The following DSC1 variants were observed in gnomAD, a reference collection of about 807,000 sequenced individuals.
DSC1 encodes the protein desmocollin-1.
DSC1 carries 79 observed loss-of-function variants against 98.8 expected under a neutral mutation model. The ratio of observed to expected loss-of-function variants is 0.80; its 90% CI spans 0.67 to 0.96. The LOEUF (loss-of-function observed/expected upper bound fraction) is 0.96, where lower values mean the gene tolerates loss of function less well. DSC1 is among the 50% of genes least tolerant of loss of function. The pLI is 0.00. For synonymous variants in DSC1, 405 were observed against 372.1 expected (o/e 1.09, Z -1.02); for missense variants, 1,115 against 1,075.9 (o/e 1.04, Z -0.51).
At chr18:31,132,365 T>C in intron 14 of DSC1, 2 of 559,710 alleles carry the variant, frequency 3.6e-6, no homozygotes, top group Non-Finnish European at 6.0e-6. Context: ...GTCTGTTGTT[T>C]AAGTCACTCA....
At chr18:31,136,585 G>A (rs900395866) in intron 11 of DSC1, among the ~76,000 whole-genome samples, 8 of 152,166 alleles carry the variant, frequency 5.3e-5, no homozygotes, top group Admixed American at 5.2e-4. Flanking sequence ...CTTAGAACAG[G>A]GGTGTCCAAT....
rs1484927146 is a variant in DSC1, at chr18:31,130,315, C to G, written c.*199G>C. On this transcript the variant is annotated 3_prime_UTR_variant, in exon 16 of 16. Transcript: ENST00000257198. ...ATGCATATAAAAGAGAATTAACAAA[C>G]AAAACCTTGATTTCTAGAGAACATG... 1 of 630,190 alleles carries G rather than the reference C, an allele frequency of 1.6e-6. No individual in the cohort carries two copies. Among genetic ancestry groups the G allele is most frequent in the South Asian group, 2.1e-5 (1 of 47,348 alleles). 39.0% of individuals were successfully genotyped at this position (630,190 alleles called of 1,614,324 possible).
At chr18:31,134,223 A>G (rs1440979940) in intron 12 of DSC1, 93 bp from the exon 13 acceptor site, 1 of 1,458,644 alleles carries the variant, frequency 6.9e-7, no homozygotes, top group African/African-American at 1.4e-5. Context: ...GAATCAATTT[A>G]GAATAAAAAC....
Position 31,159,763 on chromosome 18 carries a change from C to A in DSC1, c.64-234G>T, listed in dbSNP as rs1444837795. Among the ~76,000 whole-genome samples, 76 of 152,046 alleles carry A rather than the reference C, an allele frequency of 5.0e-4. 2 individuals carry two copies. On this transcript the variant is annotated intron_variant, in intron 1 of 15. Transcript: ENST00000257198. ...TTAAGTGAATAGTAGTTCTTAGAAC[C>A]TAAATCATATTGTGTCAATGCAAGA...
At chr18:31,132,426 A>G (rs1988514259) in intron 14 of DSC1, 142 bp downstream of exon 14, 2 of 1,198,432 alleles carry the variant, frequency 1.7e-6, no homozygotes, top group Admixed American at 2.3e-5. Context: ...TAAATGATTT[A>G]AAACACTGAG....
At chr18:31,144,961 A>C (rs1353795011) in intron 7 of DSC1, among the ~76,000 whole-genome samples, 1 of 118,834 alleles carries the variant, frequency 8.4e-6, no homozygotes, top group South Asian at 2.5e-4. Flanking sequence ...TTTTTTTGAG[A>C]CGGAGTCTCG....
chr18:31,149,106 T>G (rs1278867729), intron 5 of DSC1, among the ~76,000 whole-genome samples: 2 of 152,218 alleles, frequency 1.3e-5, no homozygotes, highest in Non-Finnish European at 2.9e-5. Flanking sequence ...CATGTATTTC[T>G]TTGCAATAAA....
In DSC1 at chr18:31,134,614, C is replaced by A; in HGVS notation, c.1834G>T (p.Asp612Tyr). 1.2e-6 allele frequency: 2 copies of A among 1,612,204 alleles called. No individual in the cohort carries two copies. Among genetic ancestry groups the A allele is most frequent in the Non-Finnish European group, 1.7e-6 (2 of 1,179,038 alleles). The change falls in exon 12 of 16, where the codon GAT becomes TAT. Residue 612 changes from aspartate (D) to tyrosine (Y), a missense_variant. Coordinates refer to ENST00000257198, the MANE Select transcript of DSC1 (RefSeq NM_024421.2). ...ENGPPFQFFL[D>Y]NSASKNWNIE... is the part of the protein sequence containing the mutation. ...TTCCAGTTTTTACTGGCAGAATTAT[C>A]CAGAAAGAATTGAAAAGGTGGTCCA...
chr18:31,131,191 T>C (rs568498044), intron 15 of DSC1, among the ~76,000 whole-genome samples: 2 of 152,320 alleles, frequency 1.3e-5, no homozygotes, highest in African/African-American at 4.8e-5. Flanking sequence ...CAACAATTTA[T>C]CTGGTTGATT....
intron 11 of DSC1, among the ~76,000 whole-genome samples, chr18:31,135,179 C>G (rs1462646067): frequency 6.6e-6 from 1 of 152,100 alleles, no homozygotes; most frequent in African/African-American, 2.4e-5. Flanking sequence ...ATACTTTTTT[C>G]CCAAACCTTG....
intron 9 of DSC1, 31 bp from the exon 10 acceptor site, chr18:31,140,332 T>C (rs1478395994): frequency 1.9e-6 from 3 of 1,573,880 alleles, no homozygotes; most frequent in African/African-American, 2.7e-5. Context: ...AATAAGTCAA[T>C]ATATAACATT....
At chr18:31,143,586 C>G (rs1282981295) in intron 8 of DSC1, 71 bp downstream of exon 8, 7 of 1,262,764 alleles carry the variant, frequency 5.5e-6, no homozygotes, top group Non-Finnish European at 7.3e-6. Flanking sequence ...TCTCACAGAG[C>G]TACCAAATTC....
chr18:31,138,345 G>A (rs868771723), intron 11 of DSC1, among the ~76,000 whole-genome samples: 10 of 151,760 alleles, frequency 6.6e-5, no homozygotes, highest in Admixed American at 1.3e-4. Context: ...TTAACTGATC[G>A]CCACTTCTGA....
chr18:31,147,391 G>A (rs1461031761), intron 6 of DSC1, among the ~76,000 whole-genome samples: 1 of 152,042 alleles, frequency 6.6e-6, no homozygotes. Context: ...TGCACATTCA[G>A]ATCTGTTGTG....
At chr18:31,148,730 T>A (rs201057807) in intron 5 of DSC1, 88 bp from the exon 6 acceptor site, 6 of 1,086,946 alleles carry the variant, frequency 5.5e-6, no homozygotes, top group African/African-American at 1.6e-5. Flanking sequence ...AATGTAACAT[T>A]AAAAAAAAAA....
chr18:31,159,849 A>G (rs562954027), intron 1 of DSC1, among the ~76,000 whole-genome samples: 1 of 152,332 alleles, frequency 6.6e-6, no homozygotes, highest in Admixed American at 6.5e-5. Context: ...CCATTCATAA[A>G]TGCCATTCTG....
chr18:31,151,204 T>C (rs189611914), intron 5 of DSC1, among the ~76,000 whole-genome samples: 1 of 152,368 alleles, frequency 6.6e-6, no homozygotes, highest in Admixed American at 6.5e-5. Context: ...AAGTAAATAT[T>C]ATTTCACATT....
intron 6 of DSC1, among the ~76,000 whole-genome samples, chr18:31,147,666 G>T (rs573589109): frequency 4.6e-5 from 7 of 152,082 alleles, no homozygotes; most frequent in Admixed American, 2.6e-4. Flanking sequence ...ACAAAGCTAG[G>T]CTAAAATGAA....
intron 2 of DSC1, among the ~76,000 whole-genome samples, chr18:31,159,047 G>GTT (rs560889140): frequency 8.4e-5 from 6 of 71,066 alleles, no homozygotes; most frequent in African/African-American, 1.2e-4. Flanking sequence ...CTACTATGTG[G>GTT]TTTTTTTTTT....
Sources: allele counts gnomAD v4.1 joint callset (sites outside exome capture counted in the v4.1 genomes callset), GRCh38; gene constraint gnomAD v4.1.1; transcripts MANE v1.5; gene names NCBI Gene and HGNC (gene_info 2026-07-23, HGNC 2026-07-21).